The following PCLO variants were observed in gnomAD, a reference collection of about 807,000 sequenced individuals.
PCLO encodes the protein protein piccolo.
A neutral mutation model predicts 427.5 loss-of-function variants in PCLO; 82 were observed. That is an observed-to-expected ratio of 0.19 (90% CI 0.16 to 0.23). PCLO has a LOEUF of 0.23. PCLO is among the 10% of genes least tolerant of loss of function. PCLO has a pLI of 1.00. For missense variants in PCLO, 6,239 were observed against 6,115.9 expected, an observed-to-expected ratio of 1.02 and a Z score of -0.67; for synonymous variants, 2,357 against 2,155.4, an observed-to-expected ratio of 1.09 and a Z score of -2.59.
intron 2 of PCLO, among the ~76,000 whole-genome samples, chr7:83,146,689 C>T (rs1792002905): frequency 6.6e-6 from 1 of 151,710 alleles, no homozygotes; most frequent in African/African-American, 2.4e-5. Context: ...CTCTGCCTCT[C>T]GGGTTCAAGT....
intron 3 of PCLO, among the ~76,000 whole-genome samples, chr7:83,060,122 AGACAGCAG>A (rs929191419): frequency 6.6e-6 from 1 of 152,192 alleles, no homozygotes; most frequent in Admixed American, 6.5e-5. Flanking sequence ...CAGACTGCAG[AGACAGCAG>A]GTAACAAATG....
At chr7:83,076,122 TTA>T (rs1491326349) in intron 3 of PCLO, among the ~76,000 whole-genome samples, 3 of 58,526 alleles carry the variant, frequency 5.1e-5, no homozygotes, top group African/African-American at 3.2e-4. Context: ...TTTCTTGGAT[TTA>T]AAAAAAAAAA....
At chr7:82,826,734 C>T (rs1198712786) in intron 17 of PCLO, 74 bp from the exon 18 acceptor site, 9 of 857,758 alleles carry the variant, frequency 1.0e-5, no homozygotes, top group Non-Finnish European at 1.6e-5. Context: ...ATACAGTAGA[C>T]ATATTTATTT....
intron 10 of PCLO, among the ~76,000 whole-genome samples, chr7:82,876,168 T>A (rs1045198176): frequency 3.3e-5 from 5 of 152,126 alleles, no homozygotes; most frequent in African/African-American, 1.2e-4. Flanking sequence ...TACATATGTA[T>A]AATTTTTCCT....
chr7:82,821,884 T>A, intron 20 of PCLO: 4 of 984,566 alleles, frequency 4.1e-6, no homozygotes, highest in Non-Finnish European at 4.8e-6. Flanking sequence ...CTTCACAGAT[T>A]TTTCAGAAGA....
chr7:82,931,251 A>C (rs895855898), intron 6 of PCLO, among the ~76,000 whole-genome samples: 8 of 152,192 alleles, frequency 5.3e-5, no homozygotes, highest in Admixed American at 3.9e-4. Context: ...TTTGCACTGC[A>C]TGGCATATAA....
At chr7:82,934,579 G>T (rs920068420) in intron 6 of PCLO, among the ~76,000 whole-genome samples, 1 of 151,680 alleles carries the variant, frequency 6.6e-6, no homozygotes, top group African/African-American at 2.4e-5. Context: ...ATATGAAACT[G>T]CAGTGTTGAG....
At chr7:82,941,575 T>G (rs1321346529) in intron 6 of PCLO, among the ~76,000 whole-genome samples, 1 of 152,144 alleles carries the variant, frequency 6.6e-6, no homozygotes, top group East Asian at 1.9e-4. Flanking sequence ...AAACAAGTGG[T>G]TTGGATCACA....
At chr7:82,865,467 G>A (rs772015161) in intron 10 of PCLO, among the ~76,000 whole-genome samples, 23 of 152,048 alleles carry the variant, frequency 1.5e-4, no homozygotes, top group Non-Finnish European at 1.0e-4. Flanking sequence ...CAGCCTGGGC[G>A]ACAGAGCAAG....
chr7:82,829,126 G>A (rs1044237410), intron 16 of PCLO, among the ~76,000 whole-genome samples: 1 of 152,052 alleles, frequency 6.6e-6, no homozygotes, highest in African/African-American at 2.4e-5. Flanking sequence ...AGCTATTGAG[G>A]ATCAAACTCC....
At chr7:83,011,452 T>G (rs1187324514) in intron 3 of PCLO, among the ~76,000 whole-genome samples, 1 of 152,094 alleles carries the variant, frequency 6.6e-6, no homozygotes, top group African/African-American at 2.4e-5. Context: ...ACCATGCACA[T>G]TCTGCTAAGA....
chr7:83,079,340 G>C (rs1790036657), intron 3 of PCLO, among the ~76,000 whole-genome samples: 1 of 151,746 alleles, frequency 6.6e-6, no homozygotes, highest in Non-Finnish European at 1.5e-5. Context: ...TTCTAAACCG[G>C]GTCAACTGAA....
At chr7:82,918,064 T>A (rs1794509317) in intron 6 of PCLO, among the ~76,000 whole-genome samples, 1 of 152,034 alleles carries the variant, frequency 6.6e-6, no homozygotes, top group African/African-American at 2.4e-5. Context: ...AAAGGTTTAT[T>A]GAAGTTTATA....
At chr7:82,879,271 T>C in intron 10 of PCLO, 66 bp downstream of exon 10, 1 of 1,356,706 alleles carries the variant, frequency 7.4e-7, no homozygotes, top group East Asian at 2.5e-5. Context: ...CATTTGCATA[T>C]TAAATTAAAA....
Position 82,822,519 on chromosome 7 carries a change from C to A in PCLO, c.14767G>T (p.Val4923Leu). 1 of 1,613,824 alleles carries A rather than the reference C, an allele frequency of 6.2e-7. No homozygotes were observed. The highest frequency in any genetic ancestry group is 1.1e-5 in the South Asian group (1 of 91,080). ...GAAIAAAEAA[V>L]QQLRIQPTKP... ...CTTGGTTGAATGCGGAGTTGTTGCA[C>A]GGCAGCTTCGGCAGCAGCTATGGCA... Residue 4923 changes from valine to leucine, a missense_variant, in exon 20 of 25, where the codon GTG becomes TTG. Physicochemically the swap from Val to Leu is conservative, Grantham distance 32. Coordinates refer to ENST00000333891, the MANE Select transcript of PCLO (RefSeq NM_033026.6).
At chr7:82,981,479 AC>A (rs1357130226) in intron 3 of PCLO, among the ~76,000 whole-genome samples, 1 of 152,134 alleles carries the variant, frequency 6.6e-6, no homozygotes, top group Non-Finnish European at 1.5e-5. Flanking sequence ...CAAGAAAGTG[AC>A]AGGCGATATC....
At chr7:82,992,547 T>A (rs1344475996) in intron 3 of PCLO, among the ~76,000 whole-genome samples, 2 of 151,946 alleles carry the variant, frequency 1.3e-5, no homozygotes, top group Non-Finnish European at 2.9e-5. Flanking sequence ...AACTCCTACT[T>A]ATGAGTGAGA....
chr7:82,919,340 A>C (rs1051367453), intron 6 of PCLO, among the ~76,000 whole-genome samples: 1 of 152,006 alleles, frequency 6.6e-6, no homozygotes, highest in Admixed American at 6.6e-5. Flanking sequence ...AAAAGCCTGC[A>C]GGAGCCAGAA....
intron 3 of PCLO, among the ~76,000 whole-genome samples, chr7:83,085,613 T>C (rs934636166): frequency 3.3e-5 from 5 of 152,160 alleles, no homozygotes; most frequent in East Asian, 1.9e-4. Flanking sequence ...ACTTGTTGGA[T>C]GAATTTCCAC....
Sources: allele counts gnomAD v4.1 joint callset (sites outside exome capture counted in the v4.1 genomes callset), GRCh38; gene constraint gnomAD v4.1.1; transcripts MANE v1.5; gene names NCBI Gene and HGNC (gene_info 2026-07-23, HGNC 2026-07-21).